The following GABRA4 variants were observed in gnomAD, a reference collection of about 807,000 sequenced individuals.
The protein encoded by GABRA4 is gamma-aminobutyric acid receptor subunit alpha-4.
Under a neutral mutation model 49.7 loss-of-function variants are expected in GABRA4, and 12 were observed. That is an observed-to-expected ratio of 0.24 (90% CI 0.15 to 0.39). GABRA4 has a LOEUF of 0.39. GABRA4 is among the 10% of genes least tolerant of loss of function. The probability of loss-of-function intolerance (pLI) is 1.00; values close to 1 mark genes in which losing one functional copy is unlikely to be tolerated. For synonymous variants in GABRA4, 288 were observed against 240.2 expected (o/e 1.20, Z -1.84); for missense variants, 506 against 686.0 (o/e 0.74, Z 2.93).
rs183679127 is a variant in GABRA4, at chr4:46,941,976, T to C, written c.1135-13221A>G. ...AAAATATTTGCACTTACTCAAAATATAGCATGCTAAAATTTATTTTGGGTT... is the reference window on the plus strand; with the variant it reads ...AAAATATTTGCACTTACTCAAAATACAGCATGCTAAAATTTATTTTGGGTT... On this transcript the variant is annotated intron_variant, in intron 8 of 8. Coordinates refer to ENST00000264318, the MANE Select transcript of GABRA4 (RefSeq NM_000809.4). 9.9e-5 allele frequency among the ~76,000 whole-genome samples: 15 copies of C among 152,240 alleles called. No individual in the cohort carries two copies. The East Asian group carries it at 1.5e-3, about 16-fold the overall frequency.
chr4:46,975,936 G>A (rs1239670246), intron 5 of GABRA4, among the ~76,000 whole-genome samples: 2 of 151,832 alleles, frequency 1.3e-5, no homozygotes, highest in South Asian at 2.1e-4. Flanking sequence ...GATTACTAGG[G>A]GTTATAAAAA....
At position 46,925,052 on chromosome 4, in the gene GABRA4, C is replaced by A. The variant is rs1276160822; in HGVS notation, c.*3173G>T. The A allele has an allele frequency of 6.6e-6, 1 of 151,828 alleles. No homozygotes were observed. Among genetic ancestry groups the A allele is most frequent in the Non-Finnish European group, 1.5e-5 (1 of 67,876 alleles). The allele number at this position is 151,828 out of a possible 1,614,324, so 9.4% of individuals were successfully genotyped here. On this transcript the variant is annotated 3_prime_UTR_variant, in exon 9 of 9. Coordinates refer to ENST00000264318, the MANE Select transcript of GABRA4 (RefSeq NM_000809.4). Reference sequence around the variant, plus strand: ...GGAGAGTGGAGATATTTTTCTAGGCCAGGAAGTATTGGCCAGCTCATGGGT... The same window carrying A: ...GGAGAGTGGAGATATTTTTCTAGGCAAGGAAGTATTGGCCAGCTCATGGGT...
chr4:46,980,281 G>T (rs146480893), intron 2 of GABRA4, among the ~76,000 whole-genome samples: 2,385 of 151,470 alleles, frequency 0.016, 22 homozygotes, highest in Non-Finnish European at 0.026. Flanking sequence ...ATAGCCAGAG[G>T]CTAGATATTC....
chr4:46,978,246 G>A (rs1315605281), intron 3 of GABRA4, among the ~76,000 whole-genome samples: 1 of 152,032 alleles, frequency 6.6e-6, no homozygotes, highest in African/African-American at 2.4e-5. Flanking sequence ...AAACATGAGT[G>A]AGAAGGAGGC....
At chr4:46,989,371 T>C (rs562820494) in intron 2 of GABRA4, among the ~76,000 whole-genome samples, 11 of 152,304 alleles carry the variant, frequency 7.2e-5, no homozygotes, top group African/African-American at 2.4e-4. Flanking sequence ...TCTAGACAGG[T>C]GCAAGCTACT....
chr4:46,983,265 C>G (rs187715881), intron 2 of GABRA4, among the ~76,000 whole-genome samples: 1 of 152,154 alleles, frequency 6.6e-6, no homozygotes, highest in African/African-American at 2.4e-5. Context: ...CATGCTATAC[C>G]TACATTCCCT....
chr4:46,992,095 C>A (rs1014077479), intron 2 of GABRA4, among the ~76,000 whole-genome samples: 1 of 152,156 alleles, frequency 6.6e-6, no homozygotes, highest in African/African-American at 2.4e-5. Flanking sequence ...GACCTAGTAC[C>A]TAGCGCAAAG....
chr4:46,950,013 T>C (rs770182238), intron 8 of GABRA4, among the ~76,000 whole-genome samples: 20 of 152,140 alleles, frequency 1.3e-4, no homozygotes, highest in Non-Finnish European at 2.9e-4. Flanking sequence ...TTGTTCTATG[T>C]ATAACAGGTA....
intron 8 of GABRA4, among the ~76,000 whole-genome samples, chr4:46,959,599 C>T (rs1722491438): frequency 6.6e-6 from 1 of 151,370 alleles, no homozygotes; most frequent in Non-Finnish European, 1.5e-5. Context: ...ATGGCAATTG[C>T]TGTAGTCAGG....
chr4:46,991,545 G>T (rs11735333), intron 2 of GABRA4, among the ~76,000 whole-genome samples: 1 of 152,038 alleles, frequency 6.6e-6, no homozygotes, highest in Admixed American at 6.5e-5. Context: ...CTCCCAACAT[G>T]TCATCTCCTA....
At chr4:46,975,854 A>G (rs1723123808) in intron 5 of GABRA4, among the ~76,000 whole-genome samples, 1 of 151,994 alleles carries the variant, frequency 6.6e-6, no homozygotes, top group South Asian at 2.1e-4. Flanking sequence ...TTCTGCCTTT[A>G]TCTTCTCTCA....
chr4:46,969,205 C>G (rs1000497060), intron 7 of GABRA4, among the ~76,000 whole-genome samples: 4 of 151,584 alleles, frequency 2.6e-5, no homozygotes, highest in African/African-American at 9.7e-5. Context: ...CTCTTGATTA[C>G]AGGCACCTAT....
chr4:46,933,121 A>T (rs1397808108), intron 8 of GABRA4, among the ~76,000 whole-genome samples: 4 of 152,142 alleles, frequency 2.6e-5, no homozygotes, highest in Non-Finnish European at 2.9e-5. Flanking sequence ...TACCAAAAAG[A>T]TTACTGTCTG....
intron 8 of GABRA4, among the ~76,000 whole-genome samples, chr4:46,939,261 C>A (rs1224387894): frequency 6.6e-6 from 1 of 151,900 alleles, no homozygotes; most frequent in Non-Finnish European, 1.5e-5. Context: ...TTAAAGTGAA[C>A]AATTTTATAA....
At position 46,970,491 on chromosome 4, in the gene GABRA4, T is replaced by A. The variant is rs529173709; in HGVS notation, c.874+592A>T. On this transcript the variant is annotated intron_variant, in intron 7 of 8. Coordinates refer to ENST00000264318, the MANE Select transcript of GABRA4 (RefSeq NM_000809.4). ...AATTGTAAACTCATATGCTCTGAAC[T>A]TTATATTGTTCAGAATACTATACAG... Among the ~76,000 whole-genome samples the A allele has an allele frequency of 5.9e-5, 9 of 151,584 alleles. No individual in the cohort carries two copies. In the South Asian group the frequency reaches 1.9e-3, roughly 31 times the overall value.
chr4:46,935,647 C>T (rs540566027), intron 8 of GABRA4, among the ~76,000 whole-genome samples: 4 of 151,050 alleles, frequency 2.6e-5, no homozygotes, highest in South Asian at 4.2e-4. Context: ...GGGAGGGGAA[C>T]ATCATACACT....
chr4:46,957,477 A>G (rs1300318961), intron 8 of GABRA4, among the ~76,000 whole-genome samples: 2 of 152,022 alleles, frequency 1.3e-5, no homozygotes, highest in Non-Finnish European at 2.9e-5. Context: ...AAAGAGAAAT[A>G]GCAATTAGGT....
At position 46,965,056 on chromosome 4, in the gene GABRA4, T is replaced by C. The variant is rs751855813; in HGVS notation, c.1048A>G (p.Lys350Glu). Residue 350 changes from lysine to glutamate, a missense_variant, in exon 8 of 9, where the codon AAA becomes GAA. Lys to Glu is a moderately conservative substitution (Grantham distance 56). Transcript: ENST00000264318. ...GGCTTTGATGTCTTCCTTTTGGCTT[T>C]TTCCATTTGAATATTGGTGAAATAG... ...VNYFTNIQME[K>E]AKRKTSKPPQ... 1 of 1,612,162 alleles carries C rather than the reference T, an allele frequency of 6.2e-7. No individual in the cohort carries two copies. Among genetic ancestry groups the C allele is most frequent in the South Asian group, 1.1e-5 (1 of 91,018 alleles).
Position 46,923,213 on chromosome 4 carries a change from T to G in GABRA4, c.*5012A>C, listed in dbSNP as rs1721099339. 1 of 152,062 alleles carries G rather than the reference T, an allele frequency of 6.6e-6. No homozygotes were observed. The highest frequency in any genetic ancestry group is 1.5e-5 in the Non-Finnish European group (1 of 68,002). 9.4% of individuals were successfully genotyped at this position (152,062 alleles called of 1,614,324 possible). On this transcript the variant is annotated 3_prime_UTR_variant, in exon 9 of 9. Transcript: ENST00000264318. ...TAACTTAGACAAAATTGCAGAAAAT[T>G]TTCCTGAAATAAAGATTGAAACCTG...
Sources: allele counts gnomAD v4.1 joint callset (sites outside exome capture counted in the v4.1 genomes callset), GRCh38; gene constraint gnomAD v4.1.1; transcripts MANE v1.5; gene names NCBI Gene and HGNC (gene_info 2026-07-23, HGNC 2026-07-21).